Variants in ZC3H3 observed in about 807,000 individuals in gnomAD.
The protein encoded by ZC3H3 is zinc finger CCCH-type containing 3.
Under a neutral mutation model 77.3 loss-of-function variants are expected in ZC3H3, and 36 were observed. The ratio of observed to expected loss-of-function variants is 0.47; its 90% confidence interval spans 0.36 to 0.61. The LOEUF (loss-of-function observed/expected upper bound fraction) is 0.61, where lower values mean the gene tolerates loss of function less well. Among genes scored for constraint, ZC3H3 ranks in the 20% least tolerant of loss-of-function variants. ZC3H3 has a pLI of 0.00. For synonymous variants in ZC3H3, 626 were observed against 555.2 expected (o/e 1.13, Z -1.79); for missense variants, 1,331 against 1,312.2 (o/e 1.01, Z -0.22).
chr8:143,498,481 G>A lies in ZC3H3; in HGVS notation c.1715+9265C>T, dbSNP rs563064461. On this transcript the variant is annotated intron_variant, in intron 4 of 11. Coordinates refer to ENST00000262577, the MANE Select transcript of ZC3H3 (RefSeq NM_015117.3). ...CAGCCTGCTGTCCTGCCACGGAGGC[G>A]AGGAAGGGCCGTGGAGGCTGTGGTG... 6.6e-5 allele frequency among the ~76,000 whole-genome samples: 10 copies of A among 152,270 alleles called. 1 individual carries two copies. Among genetic ancestry groups the A allele is most frequent in the Admixed American group, 2.6e-4 (4 of 15,302 alleles).
intron 4 of ZC3H3, among the ~76,000 whole-genome samples, chr8:143,506,883 G>A (rs552971332): frequency 1.2e-4 from 18 of 152,342 alleles, no homozygotes; most frequent in African/African-American, 4.1e-4. Flanking sequence ...AGGCAGCTAC[G>A]GTCCGGTGGG....
chr8:143,521,305 G>T (rs970757314), intron 3 of ZC3H3, among the ~76,000 whole-genome samples: 7 of 152,182 alleles, frequency 4.6e-5, no homozygotes, highest in African/African-American at 1.7e-4. Context: ...GTGATATGTG[G>T]GTGGAGCCTC....
rs1271636741 is a variant in ZC3H3, at chr8:143,468,526, C to T, written c.1961G>A (p.Arg654His). 9 of 1,607,962 alleles carry T rather than the reference C, an allele frequency of 5.6e-6. No homozygotes were observed. The highest frequency in any genetic ancestry group is 2.7e-5 in the African/African-American group (2 of 74,780). Residue 654 changes from arginine (R) to histidine (H), a missense_variant, in exon 7 of 12, where the codon CGC becomes CAC. Coordinates refer to ENST00000262577, the MANE Select transcript of ZC3H3 (RefSeq NM_015117.3). ...CGCCTGCCGGATGATGGCCAGGCTG[C>T]GCTGCACTGCCCGGCTGCAGACGGG... Reference protein sequence around the residue: ...SRSLASRAVQRSLAIIRQARQ... With the variant: ...SRSLASRAVQHSLAIIRQARQ...
intron 2 of ZC3H3, among the ~76,000 whole-genome samples, chr8:143,536,748 C>A (rs1822812868): frequency 6.6e-6 from 1 of 152,108 alleles, no homozygotes; most frequent in South Asian, 2.1e-4. Context: ...ACCCGCATGT[C>A]CACCCCCTCC....
intron 4 of ZC3H3, among the ~76,000 whole-genome samples, chr8:143,484,308 C>G (rs1424399098): frequency 1.3e-5 from 2 of 152,214 alleles, no homozygotes; most frequent in Non-Finnish European, 2.9e-5. Context: ...GCCTCTGCAG[C>G]CTGGCTGGGT....
In ZC3H3 at chr8:143,507,761, C is replaced by G. The variant is rs373480939; in HGVS notation, c.1700G>C (p.Arg567Pro). The change falls in exon 4 of 12, where the codon CGG (arginine) becomes CCG (proline). Residue 567 changes from arginine to proline, a missense_variant. By Grantham distance (103) the Arg-to-Pro change is moderately radical (BLOSUM62 -2). Around this residue, in one of 3 missense-constraint regions of ZC3H3, gnomAD observed 978 missense variants for 915.5 expected, o/e 1.07. Coordinates refer to ENST00000262577, the MANE Select transcript of ZC3H3 (RefSeq NM_015117.3). Reference protein sequence around the residue: ...PLSLPSWRARRLSLSRSLVLN... With the variant: ...PLSLPSWRARPLSLSRSLVLN... ...GCCTTCCTACCTGGATAGTGAGAGC[C>G]GCCGGGCCCGCCAGGAGGGCAGAGA... is the stretch of plus-strand genomic sequence containing the variant. The G allele has an allele frequency of 2.0e-5, 31 of 1,581,734 alleles. No individual in the cohort carries two copies. The African/African-American group carries it at 4.0e-4, about 21-fold the overall frequency.
rs1405751497 is a variant in ZC3H3 at position 143,536,459 on chromosome 8, G to C, written c.1365-6C>G. On this transcript the variant is annotated splice_region_variant and splice_polypyrimidine_tract_variant and intron_variant, in intron 2 of 11. Coordinates refer to ENST00000262577, the MANE Select transcript of ZC3H3 (RefSeq NM_015117.3). ...TTTTCTTGTCTCCAGGAAGGCTGTG[G>C]AGACAAAATACAGGCAGCTCTCAAC... 2 of 1,493,944 alleles carry C rather than the reference G, an allele frequency of 1.3e-6. No homozygotes were observed. The highest frequency in any genetic ancestry group is 1.8e-6 in the Non-Finnish European group (2 of 1,116,338). 92.5% of individuals were successfully genotyped at this position (1,493,944 alleles called of 1,614,324 possible).
At chr8:143,502,385 C>T (rs772256119) in intron 4 of ZC3H3, among the ~76,000 whole-genome samples, 4 of 152,266 alleles carry the variant, frequency 2.6e-5, no homozygotes, top group South Asian at 2.1e-4. Context: ...GGACCCCTCC[C>T]GTCCCCAGGC....
At chr8:143,472,263 T>C (rs529859735) in intron 5 of ZC3H3, among the ~76,000 whole-genome samples, 117 of 152,356 alleles carry the variant, frequency 7.7e-4, no homozygotes, top group African/African-American at 2.7e-3. Flanking sequence ...AGACTGGCTC[T>C]CTGATGGCTC....
At chr8:143,443,151 G>A (rs1425831615) in intron 9 of ZC3H3, among the ~76,000 whole-genome samples, 2 of 152,040 alleles carry the variant, frequency 1.3e-5, no homozygotes, top group South Asian at 2.1e-4. Flanking sequence ...TGGGTGTGGT[G>A]GCACGCACCT....
At chr8:143,480,733 T>C (rs1820886063) in intron 4 of ZC3H3, among the ~76,000 whole-genome samples, 1 of 152,172 alleles carries the variant, frequency 6.6e-6, no homozygotes, top group African/African-American at 2.4e-5. Flanking sequence ...CTCCCTGCCA[T>C]GGGCACTGCC....
At position 143,536,109 on chromosome 8, in the gene ZC3H3, C is replaced by G. The variant is rs535423163; in HGVS notation, c.1561+148G>C. The stretch of plus-strand genomic sequence containing the variant: ...CCGGGCCCTATCCTCTATCTGCCAG[C>G]CCACCACCACCGTCTGCCAGGCAGT... On this transcript the variant is annotated intron_variant, in intron 3 of 11. Transcript: ENST00000262577. 8.0e-6 allele frequency: 8 copies of G among 998,138 alleles called. No individual in the cohort carries two copies. In the South Asian group the frequency reaches 1.3e-4, roughly 17 times the overall value. The allele number at this position is 998,138 out of a possible 1,614,324, so 61.8% of individuals were successfully genotyped here.
chr8:143,504,642 C>T (rs563770690), intron 4 of ZC3H3, among the ~76,000 whole-genome samples: 11 of 152,194 alleles, frequency 7.2e-5, no homozygotes, highest in Non-Finnish European at 1.3e-4. Context: ...GCGCTGCCCC[C>T]AACTACACCC....
At chr8:143,526,095 T>G (rs1822403070) in intron 3 of ZC3H3, among the ~76,000 whole-genome samples, 1 of 152,240 alleles carries the variant, frequency 6.6e-6, no homozygotes, top group Admixed American at 6.5e-5. Flanking sequence ...CACGCTAGGA[T>G]GCAGGCTGCT....
intron 3 of ZC3H3, among the ~76,000 whole-genome samples, chr8:143,531,131 C>T (rs929319428): frequency 6.6e-6 from 1 of 151,984 alleles, no homozygotes; most frequent in Non-Finnish European, 1.5e-5. Flanking sequence ...GGCTAATTCT[C>T]GCATTTTTTG....
intron 9 of ZC3H3, among the ~76,000 whole-genome samples, chr8:143,448,117 ACT>A (rs1819903309): frequency 6.6e-6 from 1 of 151,898 alleles, no homozygotes. Context: ...AAAGAGTGAA[ACT>A]CTGTCTCAAA....
intron 5 of ZC3H3, among the ~76,000 whole-genome samples, chr8:143,472,560 C>G (rs972307660): frequency 1.3e-5 from 2 of 152,214 alleles, no homozygotes; most frequent in Non-Finnish European, 2.9e-5. Context: ...CCTGGGCCAT[C>G]CGGGTGGTGG....
At chr8:143,492,319 G>A (rs967837970) in intron 4 of ZC3H3, among the ~76,000 whole-genome samples, 2 of 151,978 alleles carry the variant, frequency 1.3e-5, no homozygotes, top group African/African-American at 2.4e-5. Context: ...CAGTGGGGGG[G>A]ATCCGGTGGC....
At chr8:143,529,602 G>T (rs1248529826) in intron 3 of ZC3H3, among the ~76,000 whole-genome samples, 2 of 152,216 alleles carry the variant, frequency 1.3e-5, no homozygotes, top group Non-Finnish European at 2.9e-5. Flanking sequence ...CCACAGTCGG[G>T]GGGAGACCCC....
Sources: gnomAD v4.1 joint callset for allele counts (sites outside exome capture counted in the v4.1 genomes callset) on GRCh38, gnomAD v4.1.1 for gene constraint, gnomAD v4.1.1 regional missense constraint, MANE v1.5 for transcripts, NCBI Gene and HGNC (gene_info 2026-07-23, HGNC 2026-07-21) for gene names.